CAST: variants seen among roughly 807,000 people sequenced by gnomAD.
CAST encodes MIR583 host.
In CAST, 76 loss-of-function variants were observed where a neutral mutation model predicts 119.6. That is an observed-to-expected ratio of 0.64 (90% CI 0.53 to 0.77). The LOEUF (loss-of-function observed/expected upper bound fraction) is 0.77, where lower values mean the gene tolerates loss of function less well. Ranked by LOEUF, CAST falls within the 30% of genes least tolerant of loss-of-function variation. The pLI is 0.00. For synonymous variants in CAST, 319 were observed against 331.6 expected, an observed-to-expected ratio of 0.96 and a Z score of 0.41; for missense variants, 953 against 946.5, an observed-to-expected ratio of 1.01 and a Z score of -0.09.
chr5:96,034,777 A>G, the CAST span, among the ~76,000 whole-genome samples: 1 of 150,712 alleles, frequency 6.6e-6, no homozygotes, highest in Admixed American at 6.6e-5. Flanking sequence ...ACCCACTCCA[A>G]CCACCCCGAC....
At chr5:95,982,476 G>C in the CAST span, among the ~76,000 whole-genome samples, 1 of 152,048 alleles carries the variant, frequency 6.6e-6, no homozygotes, top group African/African-American at 2.4e-5. Context: ...CAAACCTAAG[G>C]GTTAAAGATA....
At chr5:96,629,917 C>A (rs764570778) in intron 1 of CAST, among the ~76,000 whole-genome samples, 39 of 152,146 alleles carry the variant, frequency 2.6e-4, no homozygotes, top group Non-Finnish European at 4.4e-4. Context: ...AGATTTAAAC[C>A]ACAGCCAAGC....
chr5:96,148,573 C>T, the CAST span, among the ~76,000 whole-genome samples: 6 of 152,216 alleles, frequency 3.9e-5, no homozygotes, highest in Non-Finnish European at 5.9e-5. Context: ...TAGCCCAACA[C>T]GTTCTGGTGA....
At chr5:95,978,065 G>A in the CAST span, among the ~76,000 whole-genome samples, 1 of 151,846 alleles carries the variant, frequency 6.6e-6, no homozygotes, top group Non-Finnish European at 1.5e-5. Flanking sequence ...GACATTTAGG[G>A]TGATTCCATG....
In CAST at chr5:96,774,652, A is replaced by C; in HGVS notation, c.*2036A>C. On this transcript the variant is annotated 3_prime_UTR_variant, in exon 32 of 32. Transcript: ENST00000675179. ...CATGTTTCATTAATCAAGGCATAAAATACAATTAAAGCAAAATATTTTACA... is the reference window on the plus strand; with the variant it reads ...CATGTTTCATTAATCAAGGCATAAACTACAATTAAAGCAAAATATTTTACA... The C allele has an allele frequency of 1.0e-6, 1 of 984,872 alleles. No homozygotes were observed. The allele number at this position is 984,872 out of a possible 1,614,324, so 61.0% of individuals were successfully genotyped here.
the CAST span, chr5:96,429,275 G>T: frequency 6.2e-7 from 1 of 1,602,634 alleles, no homozygotes; most frequent in Non-Finnish European, 8.5e-7. Flanking sequence ...CTTCTGGGGT[G>T]GTTTTTATGT....
the CAST span, among the ~76,000 whole-genome samples, chr5:96,437,390 T>G: frequency 6.6e-6 from 1 of 152,318 alleles, no homozygotes; most frequent in East Asian, 1.9e-4. Flanking sequence ...GGTTCTTTCT[T>G]TAACAGGTTC....
the CAST span, among the ~76,000 whole-genome samples, chr5:96,313,897 G>A: frequency 2.0e-5 from 3 of 152,042 alleles, no homozygotes; most frequent in African/African-American, 7.2e-5. Flanking sequence ...TCAAATAATT[G>A]AAGGTGTATC....
At chr5:96,157,368 C>T in the CAST span, among the ~76,000 whole-genome samples, 1 of 152,202 alleles carries the variant, frequency 6.6e-6, no homozygotes, top group East Asian at 1.9e-4. Context: ...TTTGGCAAAT[C>T]TTCCAAAAGG....
the CAST span, among the ~76,000 whole-genome samples, chr5:96,509,964 A>G: frequency 2.0e-5 from 3 of 152,256 alleles, no homozygotes; most frequent in African/African-American, 4.8e-5. Flanking sequence ...AGAAACAGCA[A>G]TAAAGTTGGA....
At chr5:96,601,655 A>G (rs182153876) in intron 1 of CAST, among the ~76,000 whole-genome samples, 2 of 152,230 alleles carry the variant, frequency 1.3e-5, no homozygotes, top group African/African-American at 4.8e-5. Flanking sequence ...GCTGACATTA[A>G]TCTTTCTACT....
chr5:96,301,666 G>A, the CAST span, among the ~76,000 whole-genome samples: 5 of 152,118 alleles, frequency 3.3e-5, no homozygotes, highest in East Asian at 1.9e-4. Context: ...GTCCAAGCAG[G>A]GCAGTCATTA....
intron 1 of CAST, among the ~76,000 whole-genome samples, chr5:96,586,677 A>G (rs890336981): frequency 6.6e-6 from 1 of 152,262 alleles, no homozygotes. Flanking sequence ...AGGCAGCCAC[A>G]TCGGTGATAG....
chr5:96,753,804 C>A (rs1370718980), intron 20 of CAST, among the ~76,000 whole-genome samples: 2 of 152,126 alleles, frequency 1.3e-5, no homozygotes, highest in African/African-American at 4.8e-5. Flanking sequence ...ATTTCTAAAC[C>A]AACTCTGGGT....
At chr5:96,035,648 G>A in the CAST span, among the ~76,000 whole-genome samples, 2 of 151,762 alleles carry the variant, frequency 1.3e-5, no homozygotes, top group African/African-American at 4.8e-5. Context: ...GATGAAGGTG[G>A]GAGGAATTAG....
intron 1 of CAST, 69 bp downstream of exon 1, chr5:96,662,566 C>G: frequency 7.6e-7 from 1 of 1,312,280 alleles, no homozygotes. Context: ...CTGTGGCCGC[C>G]CTCCCTGGGC....
At chr5:96,378,835 G>A in the CAST span, among the ~76,000 whole-genome samples, 1 of 151,934 alleles carries the variant, frequency 6.6e-6, no homozygotes, top group Non-Finnish European at 1.5e-5. Flanking sequence ...AAACTAACAT[G>A]TATTATTTAA....
chr5:96,533,902 T>C (rs1745736234), intron 1 of CAST, among the ~76,000 whole-genome samples: 1 of 152,236 alleles, frequency 6.6e-6, no homozygotes, highest in Admixed American at 6.5e-5. Context: ...CCATTTTTAA[T>C]TGATTGGACA....
At chr5:96,686,418 G>A (rs1358054813) in intron 2 of CAST, among the ~76,000 whole-genome samples, 1 of 152,148 alleles carries the variant, frequency 6.6e-6, no homozygotes, top group Non-Finnish European at 1.5e-5. Context: ...GATAACTCAA[G>A]TCAAAGAAGC....
Sources: gnomAD v4.1 joint callset for allele counts (sites outside exome capture counted in the v4.1 genomes callset) on GRCh38, gnomAD v4.1.1 for gene constraint, MANE v1.5 for transcripts, NCBI Gene and HGNC (gene_info 2026-07-23, HGNC 2026-07-21) for gene names.